The following CAMK2B variants were observed in gnomAD, a reference collection of about 807,000 sequenced individuals.
CAMK2B encodes the protein calcium/calmodulin-dependent protein kinase type II subunit beta.
Under a neutral mutation model 93.7 loss-of-function variants are expected in CAMK2B, and 27 were observed. The ratio of observed to expected loss-of-function variants is 0.29; its 90% CI spans 0.21 to 0.40. The LOEUF (loss-of-function observed/expected upper bound fraction) is 0.40. Among genes scored for constraint, CAMK2B ranks in the 10% least tolerant of loss-of-function variants. CAMK2B has a pLI of 1.00. For synonymous variants in CAMK2B, 374 were observed against 358.8 expected (o/e 1.04, Z -0.48); for missense variants, 568 against 895.8 (o/e 0.63, Z 4.67).
intron 1 of CAMK2B, among the ~76,000 whole-genome samples, chr7:44,318,698 T>G (rs1001564862): frequency 2.0e-5 from 3 of 152,260 alleles, no homozygotes; most frequent in Non-Finnish European, 4.4e-5. Context: ...ACAAGGACTG[T>G]GGGTCCCAAA....
Position 44,225,597 on chromosome 7 carries a change from C to T in CAMK2B, c.1597+919G>A, listed in dbSNP as rs2096465651. The stretch of plus-strand genomic sequence containing the variant: ...GCTCTCTCGGGCACCCAGGGTGGAT[C>T]CAGTGCCCCTTTGAGCCTGCAGCCT... On this transcript the variant is annotated intron_variant, in intron 20 of 23. Coordinates refer to ENST00000395749, the MANE Select transcript of CAMK2B (RefSeq NM_001220.5). The surrounding 1 kb of genome is among the most constrained non-coding windows in gnomAD (Gnocchi z 5.0). Among the ~76,000 whole-genome samples, 1 of 152,104 alleles carries T rather than the reference C, an allele frequency of 6.6e-6. No individual in the cohort carries two copies. Among genetic ancestry groups the T allele is most frequent in the Non-Finnish European group, 1.5e-5 (1 of 67,990 alleles).
At chr7:44,297,465 C>G (rs1309328233) in intron 1 of CAMK2B, among the ~76,000 whole-genome samples, 1 of 152,056 alleles carries the variant, frequency 6.6e-6, no homozygotes, top group Non-Finnish European at 1.5e-5. Flanking sequence ...AAAACAGAAA[C>G]AAATATGGTA....
chr7:44,269,555 T>A (rs907876251), intron 2 of CAMK2B, among the ~76,000 whole-genome samples: 3 of 149,348 alleles, frequency 2.0e-5, no homozygotes, highest in Non-Finnish European at 4.5e-5. Context: ...CAGCAGGGGG[T>A]GGGGGGTGGT....
At chr7:44,315,428 T>A (rs1794622627) in intron 1 of CAMK2B, among the ~76,000 whole-genome samples, 1 of 152,186 alleles carries the variant, frequency 6.6e-6, no homozygotes, top group African/African-American at 2.4e-5. Flanking sequence ...ATTTCACTGA[T>A]CTATGTATTT....
At chr7:44,300,020 C>CTGTGTGTGTGTGTGTG (rs143590426) in intron 1 of CAMK2B, among the ~76,000 whole-genome samples, 11 of 141,628 alleles carry the variant, frequency 7.8e-5, no homozygotes, top group Non-Finnish European at 1.5e-4. Context: ...GTGTATGTGT[C>CTGTGTGTGTGTGTGTG]TGTGTGTGTG....
At position 44,282,546 on chromosome 7, in the gene CAMK2B, G is replaced by A. The variant is rs188228097; in HGVS notation, c.160+1585C>T. ...GGGGACTGACCCAGCCCTGGGCACCGCCAAGCCCCTTCGTGGCTCAGTGAC... is the reference window on the plus strand; with the variant it reads ...GGGGACTGACCCAGCCCTGGGCACCACCAAGCCCCTTCGTGGCTCAGTGAC... On this transcript the variant is annotated intron_variant, in intron 2 of 23. Coordinates refer to ENST00000395749, the MANE Select transcript of CAMK2B (RefSeq NM_001220.5). Among the ~76,000 whole-genome samples the A allele has an allele frequency of 2.2e-4, 33 of 152,316 alleles. No homozygotes were observed. The East Asian group carries it at 5.6e-3, about 26-fold the overall frequency.
intron 1 of CAMK2B, among the ~76,000 whole-genome samples, chr7:44,294,052 C>T (rs144839888): frequency 2.6e-5 from 4 of 152,216 alleles, no homozygotes; most frequent in East Asian, 1.9e-4. Flanking sequence ...GGGTGGGGTC[C>T]GACTGGCTCC....
rs1344740808 is a variant in CAMK2B at position 44,227,771 on chromosome 7, GA to G, written c.1468+1024del. 3.0e-4 allele frequency among the ~76,000 whole-genome samples: 16 copies of G among 53,878 alleles called. 3 individuals are homozygous for G. Among genetic ancestry groups the G allele is most frequent in the African/African-American group, 9.1e-4 (10 of 11,042 alleles). 35.3% of individuals were successfully genotyped at this position (53,878 alleles called of 152,430 possible). The stretch of plus-strand genomic sequence containing the variant: ...GAGGAGGGTGTGGGGGACAGAGGGA[GA>G]GTCTGGGGGACAGAGGAGGGTGTGG... On this transcript the variant is annotated intron_variant, in intron 19 of 23. Transcript: ENST00000395749.
chr7:44,266,497 G>A (rs1374954340), intron 2 of CAMK2B, among the ~76,000 whole-genome samples: 3 of 152,196 alleles, frequency 2.0e-5, no homozygotes, highest in South Asian at 2.1e-4. Context: ...CCTCCAGCTC[G>A]GTCTTATTCC....
chr7:44,239,559 C>T (rs1359922688), intron 13 of CAMK2B, 30 bp downstream of exon 13: 31 of 1,526,910 alleles, frequency 2.0e-5, no homozygotes, highest in Admixed American at 1.8e-4. Context: ...CGGGCGGGAG[C>T]GGGCGGGACG....
intron 1 of CAMK2B, among the ~76,000 whole-genome samples, chr7:44,321,991 T>G (rs1796205045): frequency 6.6e-6 from 1 of 152,124 alleles, no homozygotes; most frequent in East Asian, 1.9e-4. Flanking sequence ...GGACACACCC[T>G]AAAGAAACTC....
intron 1 of CAMK2B, among the ~76,000 whole-genome samples, chr7:44,315,993 A>G (rs1409371675): frequency 3.3e-5 from 5 of 152,180 alleles, no homozygotes; most frequent in Non-Finnish European, 7.4e-5. Context: ...AAAGCATGTA[A>G]TCTGAAAAGA....
At chr7:44,222,895 G>T (rs1189643364) in intron 20 of CAMK2B, among the ~76,000 whole-genome samples, 4 of 152,218 alleles carry the variant, frequency 2.6e-5, no homozygotes, top group Non-Finnish European at 5.9e-5. Flanking sequence ...ATGCATGTGT[G>T]TGGGGCACTG....
chr7:44,288,856 C>T (rs1473006788), intron 1 of CAMK2B, among the ~76,000 whole-genome samples: 1 of 152,076 alleles, frequency 6.6e-6, no homozygotes, highest in Non-Finnish European at 1.5e-5. Context: ...GCTTCTCGCG[C>T]GATAATGGGG....
intron 2 of CAMK2B, chr7:44,268,651 A>T (rs1194931890): frequency 6.6e-6 from 1 of 152,436 alleles, no homozygotes; most frequent in Non-Finnish European, 1.5e-5. Flanking sequence ...AGCCATTCCC[A>T]GATCCACAGG....
chr7:44,256,390 TG>T (rs759202814), intron 4 of CAMK2B, among the ~76,000 whole-genome samples: 37 of 152,320 alleles, frequency 2.4e-4, no homozygotes, highest in Non-Finnish European at 8.8e-5. Flanking sequence ...TGTGTGCCCA[TG>T]CGTGCACTCA....
Position 44,220,086 on chromosome 7 carries a change from G to T in CAMK2B, c.1977C>A (p.Gly659=). The change falls in exon 23 of 24, where the codon GGC becomes GGA. Residue 659 remains glycine (G), a synonymous_variant. Transcript: ENST00000395749. The stretch of plus-strand genomic sequence containing the variant: ...TTCACTGCAGCGGGGCCACAGGCGC[G>T]CCCGAGCAGTGGAAGTGCACGTTCT... ...KWQNVHFHCS[G]APVAPLQ is the part of the protein sequence containing the mutation. 3 of 1,601,750 alleles carry T rather than the reference G, an allele frequency of 1.9e-6. No individual in the cohort carries two copies. Among genetic ancestry groups the T allele is most frequent in the Non-Finnish European group, 2.5e-6 (3 of 1,176,614 alleles).
rs1489151076 is a variant in CAMK2B, at chr7:44,220,124, C to T, written c.1939G>A (p.Asp647Asn). ...SEETRVWHRRDGKWQNVHFHC... is the reference protein window; with the variant it reads ...SEETRVWHRRNGKWQNVHFHC... ...AAGTGCACGTTCTGCCACTTGCCGT[C>T]GCGGCGGTGCCACACGCGGGTCTCC... is the stretch of plus-strand genomic sequence containing the variant. Residue 647 changes from aspartate (D) to asparagine (N), a missense_variant, in exon 23 of 24, where the codon GAC becomes AAC. Asp to Asn is a conservative substitution (Grantham distance 23). Transcript: ENST00000395749. 10 of 1,611,454 alleles carry T rather than the reference C, an allele frequency of 6.2e-6. No individual in the cohort carries two copies. In the African/African-American group the frequency reaches 6.7e-5, roughly 11 times the overall value.
intron 1 of CAMK2B, among the ~76,000 whole-genome samples, chr7:44,284,920 T>G (rs1784641556): frequency 3.4e-5 from 5 of 146,984 alleles, no homozygotes; most frequent in African/African-American, 5.1e-5. Context: ...AGCCTGGGGG[T>G]AGGGAGAGGG....
Sources: gnomAD v4.1 joint callset for allele counts (sites outside exome capture counted in the v4.1 genomes callset) on GRCh38, gnomAD v4.1.1 for gene constraint, Gnocchi (gnomAD v3.1) non-coding constraint, MANE v1.5 for transcripts, NCBI Gene and HGNC (gene_info 2026-07-23, HGNC 2026-07-21) for gene names.